Variants in AGBL4 observed in about 807,000 individuals in gnomAD.
The protein encoded by AGBL4 is AGBL carboxypeptidase 4.
A neutral mutation model predicts 66.4 loss-of-function variants in AGBL4; 58 were observed. That is an observed-to-expected ratio of 0.87 (90% CI 0.71 to 1.09). AGBL4 has a LOEUF of 1.09. Among genes scored for constraint, AGBL4 ranks in the 50% least tolerant of loss-of-function variants. AGBL4 has a pLI of 0.00. For missense variants in AGBL4, 579 were observed against 631.0 expected (o/e 0.92, Z 0.88); for synonymous variants, 234 against 222.9 (o/e 1.05, Z -0.44).
Position 48,675,730 on chromosome 1 carries a change from A to T in AGBL4, c.635-12489T>A, listed in dbSNP as rs567707205. The stretch of plus-strand genomic sequence containing the variant: ...ACACAGCAGTCACAGAACAGTGACC[A>T]TTAGAGCTGAGTATGGTCTAATTAA... On this transcript the variant is annotated intron_variant, in intron 6 of 13. Transcript: ENST00000371839. 3.3e-5 allele frequency among the ~76,000 whole-genome samples: 5 copies of T among 152,348 alleles called. No individual in the cohort carries two copies. In the East Asian group the frequency reaches 9.6e-4, roughly 29 times the overall value.
intron 3 of AGBL4, among the ~76,000 whole-genome samples, chr1:49,402,350 T>TC (rs1645103629): frequency 6.6e-5 from 10 of 152,208 alleles, no homozygotes. Flanking sequence ...TTTTGCTGTA[T>TC]CCCCTAAGTT....
intron 6 of AGBL4, among the ~76,000 whole-genome samples, chr1:48,844,022 T>C (rs1370863889): frequency 2.6e-5 from 4 of 152,178 alleles, no homozygotes; most frequent in Non-Finnish European, 5.9e-5. Flanking sequence ...TGTGAAATAG[T>C]GTTATTCCTA....
intron 2 of AGBL4, among the ~76,000 whole-genome samples, chr1:49,758,993 G>A (rs181025189): frequency 1.3e-5 from 2 of 152,240 alleles, no homozygotes; most frequent in African/African-American, 4.8e-5. Flanking sequence ...ATTGGATCAT[G>A]GGGGCAGTTT....
At chr1:49,856,065 T>C (rs1646425076) in intron 1 of AGBL4, among the ~76,000 whole-genome samples, 1 of 151,870 alleles carries the variant, frequency 6.6e-6, no homozygotes, top group African/African-American at 2.4e-5. Context: ...ACATTACAAC[T>C]GATACCATAG....
chr1:49,868,341 C>G (rs1646756697), intron 1 of AGBL4, among the ~76,000 whole-genome samples: 1 of 152,032 alleles, frequency 6.6e-6, no homozygotes, highest in Non-Finnish European at 1.5e-5. Flanking sequence ...GCAAAGAAAA[C>G]AAGGCTGGAG....
intron 3 of AGBL4, among the ~76,000 whole-genome samples, chr1:49,280,131 C>CA: frequency 6.6e-6 from 1 of 152,234 alleles, no homozygotes; most frequent in East Asian, 1.9e-4. Context: ...ACTGTGGCCC[C>CA]ACCTAGAAGG....
chr1:49,696,712 G>A lies in AGBL4; in HGVS notation c.282+601C>T, dbSNP rs752852866. Among the ~76,000 whole-genome samples, 103 of 151,862 alleles carry A rather than the reference G, an allele frequency of 6.8e-4. 1 individual carries two copies. The highest frequency in any genetic ancestry group is 2.3e-3 in the African/African-American group (97 of 41,360). On this transcript the variant is annotated intron_variant, in intron 3 of 13. Transcript: ENST00000371839. ...AAAACTGAAACACTTCTGGTCCCACGCGTTTAAGATAAGCTATACTCAACT... is the reference window on the plus strand; with the variant it reads ...AAAACTGAAACACTTCTGGTCCCACACGTTTAAGATAAGCTATACTCAACT...
intron 4 of AGBL4, among the ~76,000 whole-genome samples, chr1:49,114,535 T>G (rs964539918): frequency 2.6e-5 from 4 of 152,210 alleles, no homozygotes; most frequent in Admixed American, 2.6e-4. Context: ...CTTCAAGAAT[T>G]TTTCATTTGC....
chr1:49,086,274 T>C (rs1047217548), intron 4 of AGBL4, among the ~76,000 whole-genome samples: 4 of 152,182 alleles, frequency 2.6e-5, no homozygotes, highest in African/African-American at 9.6e-5. Flanking sequence ...CCCATTCCCA[T>C]TGCTAGTAGC....
At chr1:48,824,270 T>C (rs1238941366) in intron 6 of AGBL4, among the ~76,000 whole-genome samples, 1 of 152,126 alleles carries the variant, frequency 6.6e-6, no homozygotes, top group Non-Finnish European at 1.5e-5. Flanking sequence ...GGACCTAAAA[T>C]ACATGGGGGT....
chr1:48,987,078 TCCATAA>T (rs907064548), intron 5 of AGBL4, among the ~76,000 whole-genome samples: 20 of 151,578 alleles, frequency 1.3e-4, no homozygotes, highest in African/African-American at 1.7e-4. Context: ...CAAAGAATAC[TCCATAA>T]CCATAACCAT....
At chr1:49,237,664 C>T (rs1036461416) in intron 4 of AGBL4, among the ~76,000 whole-genome samples, 3 of 150,986 alleles carry the variant, frequency 2.0e-5, no homozygotes, top group Admixed American at 6.6e-5. Context: ...TACCTTTCCA[C>T]GTGTAATTCT....
intron 3 of AGBL4, among the ~76,000 whole-genome samples, chr1:49,379,997 C>A (rs1216436016): frequency 1.3e-5 from 2 of 151,940 alleles, no homozygotes; most frequent in Non-Finnish European, 2.9e-5. Flanking sequence ...GAAGTTCTGG[C>A]CAGGGAAATT....
chr1:49,960,255 G>A (rs1461794171), intron 1 of AGBL4, among the ~76,000 whole-genome samples: 2 of 151,956 alleles, frequency 1.3e-5, no homozygotes, highest in Non-Finnish European at 2.9e-5. Flanking sequence ...ATAAAATCAT[G>A]TCATTTTTGG....
chr1:49,696,982 A>G (rs996100013), intron 3 of AGBL4, among the ~76,000 whole-genome samples: 8 of 152,198 alleles, frequency 5.3e-5, no homozygotes, highest in Non-Finnish European at 1.2e-4. Context: ...GACAATAGAG[A>G]ACAATACCCT....
Position 48,650,444 on chromosome 1 carries a change from ACCTTCCTTCCTTCCTTCCTTCCTT to A in AGBL4, c.839+2869_839+2892del, listed in dbSNP as rs57012926. ...TACTGCACTAGAATTCTGAGAACCAACCTTCCTTCCTTCCTTCCTTCCTTCCTTCCTTCCTTCTTTACTTCCTTC... is the reference window on the plus strand; with the variant it reads ...TACTGCACTAGAATTCTGAGAACCAACCTTCCTTCCTTCTTTACTTCCTTC... On this transcript the variant is annotated intron_variant, in intron 8 of 13. Transcript: ENST00000371839. 7.7e-3 allele frequency among the ~76,000 whole-genome samples: 1,129 copies of A among 147,144 alleles called. 13 individuals carry two copies. The highest frequency in any genetic ancestry group is 0.021 in the Middle Eastern group (6 of 288).
intron 9 of AGBL4, among the ~76,000 whole-genome samples, chr1:48,624,507 G>A (rs1014313419): frequency 6.6e-6 from 1 of 152,216 alleles, no homozygotes; most frequent in African/African-American, 2.4e-5. Context: ...AACACAGCAT[G>A]ATGTGCACCT....
intron 1 of AGBL4, among the ~76,000 whole-genome samples, chr1:49,878,711 T>A (rs1263204301): frequency 6.6e-6 from 1 of 151,402 alleles, no homozygotes; most frequent in African/African-American, 2.4e-5. Context: ...TTCCTGGGTA[T>A]CGTTGTTGAC....
intron 2 of AGBL4, among the ~76,000 whole-genome samples, chr1:49,773,985 G>C (rs937714019): frequency 6.6e-6 from 1 of 152,178 alleles, no homozygotes; most frequent in African/African-American, 2.4e-5. Flanking sequence ...TTAGTGAAAT[G>C]ACTGTGGCAC....
Sources: allele counts gnomAD v4.1 joint callset (sites outside exome capture counted in the v4.1 genomes callset), GRCh38; gene constraint gnomAD v4.1.1; transcripts MANE v1.5; gene names NCBI Gene and HGNC (gene_info 2026-07-23, HGNC 2026-07-21).